Variants in DGKB observed in about 807,000 individuals in gnomAD.
DGKB encodes 90 kDa diacylglycerol kinase.
DGKB carries 67 observed loss-of-function variants against 114.3 expected under a neutral mutation model. That is an observed-to-expected ratio of 0.59 (90% CI 0.48 to 0.72). The LOEUF (loss-of-function observed/expected upper bound fraction) is 0.72, where lower values mean the gene tolerates loss of function less well. Among genes scored for constraint, DGKB ranks in the 30% least tolerant of loss-of-function variants. The probability of loss-of-function intolerance (pLI) is 0.00; values close to 1 mark genes in which losing one functional copy is unlikely to be tolerated. For synonymous variants in DGKB, 398 were observed against 323.1 expected, an observed-to-expected ratio of 1.23 and a Z score of -2.49; for missense variants, 907 against 975.2, an observed-to-expected ratio of 0.93 and a Z score of 0.93.
At chr7:14,693,538 ACG>A (rs1287726174) in intron 9 of DGKB, among the ~76,000 whole-genome samples, 1 of 151,316 alleles carries the variant, frequency 6.6e-6, no homozygotes, top group Non-Finnish European at 1.5e-5. Flanking sequence ...GGAAAAACTT[ACG>A]TTTATTTAAG....
rs574210500 is a variant in DGKB, at chr7:14,291,800, C to A, written c.2122+46715G>T. On this transcript the variant is annotated intron_variant, in intron 23 of 25. Transcript: ENST00000402815. The stretch of plus-strand genomic sequence containing the variant: ...AATACCACCATTATGAGTGAGATAT[C>A]ATGAACCCTATGCGGCAAAGATCTT... 6.6e-5 allele frequency among the ~76,000 whole-genome samples: 10 copies of A among 152,246 alleles called. No individual in the cohort carries two copies. The East Asian group carries it at 1.9e-3, about 29-fold the overall frequency.
intron 23 of DGKB, among the ~76,000 whole-genome samples, chr7:14,211,341 TTACTCTCATGTTTTGTGA>T: frequency 7.8e-6 from 1 of 128,982 alleles, no homozygotes; most frequent in East Asian, 2.2e-4. Context: ...TTTTGTGATT[TTACTCTCATGTTTTGTGA>T]TATTTACTCT....
intron 2 of DGKB, among the ~76,000 whole-genome samples, chr7:14,761,691 A>G (rs1835719805): frequency 6.6e-6 from 1 of 152,188 alleles, no homozygotes; most frequent in African/African-American, 2.4e-5. Flanking sequence ...GAGCACAGTG[A>G]CAGATACTAG....
At chr7:14,677,425 C>T (rs1176041121) in intron 12 of DGKB, among the ~76,000 whole-genome samples, 3 of 152,010 alleles carry the variant, frequency 2.0e-5, no homozygotes, top group Non-Finnish European at 4.4e-5. Flanking sequence ...CTTCCTAAGA[C>T]TGGCATTTAC....
rs186867228 is a variant in DGKB at position 14,939,984 on chromosome 7, C to T, written c.-188+34712G>A. On this transcript the variant is annotated intron_variant, in intron 1 of 4. Transcript: ENST00000437998. ...CTTCTTTTTTCTTATGGTTTTACTA[C>T]TGAACAGGGATGTAAAAACACTGTG... 3.0e-3 allele frequency among the ~76,000 whole-genome samples: 456 copies of T among 152,186 alleles called. 3 individuals are homozygous for T. Among genetic ancestry groups the T allele is most frequent in the African/African-American group, 0.01 (427 of 41,552 alleles).
intron 23 of DGKB, among the ~76,000 whole-genome samples, chr7:14,287,487 T>C (rs1801057062): frequency 1.3e-5 from 2 of 152,192 alleles, no homozygotes. Context: ...AAATGCACAA[T>C]GAAGATTTGT....
At chr7:14,947,261 G>T (rs1486351034) in intron 1 of DGKB, among the ~76,000 whole-genome samples, 1 of 151,580 alleles carries the variant, frequency 6.6e-6, no homozygotes, top group Non-Finnish European at 1.5e-5. Context: ...GCAACAAGAA[G>T]ATTGTTTTAA....
chr7:14,491,665 C>G (rs1253905529), intron 20 of DGKB, among the ~76,000 whole-genome samples: 1 of 152,034 alleles, frequency 6.6e-6, no homozygotes, highest in Non-Finnish European at 1.5e-5. Context: ...TAATTCTATT[C>G]TTAACATAAT....
intron 17 of DGKB, among the ~76,000 whole-genome samples, chr7:14,584,777 G>C (rs1800488165): frequency 1.3e-5 from 2 of 151,792 alleles, no homozygotes; most frequent in African/African-American, 2.4e-5. Flanking sequence ...TCCTGCCTCA[G>C]CCTCCCAAGT....
chr7:14,162,021 A>T (rs906819940), intron 25 of DGKB, among the ~76,000 whole-genome samples: 7 of 152,224 alleles, frequency 4.6e-5, no homozygotes, highest in Non-Finnish European at 8.8e-5. Flanking sequence ...CTAGTTCTGT[A>T]TTAGTGATAA....
At chr7:14,958,477 C>CACACACA (rs1562903995) in intron 1 of DGKB, among the ~76,000 whole-genome samples, 2 of 84,754 alleles carry the variant, frequency 2.4e-5, no homozygotes, top group South Asian at 4.7e-4. Flanking sequence ...ACACACACAC[C>CACACACA]CCGTCCAGGA....
chr7:14,176,529 A>G (rs1781762030), intron 25 of DGKB: 3 of 1,040,018 alleles, frequency 2.9e-6, no homozygotes, highest in Non-Finnish European at 3.5e-6. Context: ...AAAGTTTCAG[A>G]TAAACTTTTA....
rs10646592 is a variant in DGKB, at chr7:14,892,864, A to ATGTGTGTGTG, written c.-188+9718_-188+9727dup. ...AAGTCAACTAATACCATATATATAT[A>ATGTGTGTGTG]TGTGTGTGTGTGTGTGTGTGTGTAT... On this transcript the variant is annotated intron_variant, in intron 1 of 25. Transcript: ENST00000402815. 1.2e-4 allele frequency among the ~76,000 whole-genome samples: 18 copies of ATGTGTGTGTG among 147,136 alleles called. No homozygotes were observed. The South Asian group carries it at 2.1e-3, about 17-fold the overall frequency.
intron 23 of DGKB, among the ~76,000 whole-genome samples, chr7:14,262,911 C>G (rs112985575): frequency 6.6e-6 from 1 of 151,934 alleles, no homozygotes; most frequent in African/African-American, 2.4e-5. Flanking sequence ...ACAAATCATT[C>G]CCACCAAGAG....
chr7:14,854,712 A>T (rs1052351353), intron 1 of DGKB, among the ~76,000 whole-genome samples: 11 of 152,158 alleles, frequency 7.2e-5, no homozygotes, highest in African/African-American at 2.7e-4. Flanking sequence ...TACTGGTATG[A>T]GGCCTGTGGG....
intron 21 of DGKB, among the ~76,000 whole-genome samples, chr7:14,355,815 T>A (rs1814354611): frequency 6.6e-6 from 1 of 152,218 alleles, no homozygotes; most frequent in Admixed American, 6.5e-5. Flanking sequence ...GAAGACTCCC[T>A]CTTTCTCTGT....
chr7:14,163,793 G>C (rs1003949500), intron 25 of DGKB, among the ~76,000 whole-genome samples: 4 of 152,104 alleles, frequency 2.6e-5, no homozygotes, highest in Non-Finnish European at 5.9e-5. Context: ...TCAGGAATTC[G>C]AGACCAGCCT....
rs146751722 is a variant in DGKB at position 14,783,321 on chromosome 7, C to T, written c.71-25590G>A. Among the ~76,000 whole-genome samples, 25 of 152,262 alleles carry T rather than the reference C, an allele frequency of 1.6e-4. 1 individual carries two copies. Among genetic ancestry groups the T allele is most frequent in the Non-Finnish European group, 2.8e-4 (19 of 68,010 alleles). ...TACATTAAGCAAGAATTTCAAAACTCGGATTCACTTGTCACACCGCATAAA... is the reference window on the plus strand; with the variant it reads ...TACATTAAGCAAGAATTTCAAAACTTGGATTCACTTGTCACACCGCATAAA... On this transcript the variant is annotated intron_variant, in intron 2 of 25. Coordinates refer to ENST00000402815, the MANE Select transcript of DGKB (RefSeq NM_001350709.2).
intron 17 of DGKB, among the ~76,000 whole-genome samples, chr7:14,593,021 A>G (rs1801961300): frequency 6.6e-6 from 1 of 152,082 alleles, no homozygotes; most frequent in Non-Finnish European, 1.5e-5. Flanking sequence ...ATAGTTATAA[A>G]AAATTAATTT....
Sources: gnomAD v4.1 joint callset for allele counts (sites outside exome capture counted in the v4.1 genomes callset) on GRCh38, gnomAD v4.1.1 for gene constraint, MANE v1.5 for transcripts, NCBI Gene and HGNC (gene_info 2026-07-23, HGNC 2026-07-21) for gene names.